The following RXFP2 variants were observed in gnomAD, a reference collection of about 807,000 sequenced individuals.
The protein encoded by RXFP2 is relaxin receptor 2.
In RXFP2, 68 loss-of-function variants were observed where a neutral mutation model predicts 88.6. The ratio of observed to expected loss-of-function variants is 0.77; its 90% CI spans 0.63 to 0.94. RXFP2 has a LOEUF of 0.94. Ranked by LOEUF, RXFP2 falls within the 40% of genes least tolerant of loss-of-function variation. RXFP2 has a pLI of 0.00. For missense variants in RXFP2, 791 were observed against 893.9 expected (o/e 0.88, Z 1.47); for synonymous variants, 329 against 306.8 (o/e 1.07, Z -0.76).
chr13:31,751,497 C>T (rs1412964575), intron 1 of RXFP2, among the ~76,000 whole-genome samples: 1 of 152,136 alleles, frequency 6.6e-6, no homozygotes, highest in Non-Finnish European at 1.5e-5. Flanking sequence ...TTTCCACACA[C>T]TCAGCACGAG....
intron 14 of RXFP2, among the ~76,000 whole-genome samples, chr13:31,790,684 A>G (rs1005024948): frequency 6.6e-6 from 1 of 152,232 alleles, no homozygotes; most frequent in Non-Finnish European, 1.5e-5. Context: ...TAAATAGTGA[A>G]TAAGTGCTAC....
intron 17 of RXFP2, among the ~76,000 whole-genome samples, chr13:31,800,325 C>T (rs1874270513): frequency 6.6e-6 from 1 of 152,184 alleles, no homozygotes; most frequent in South Asian, 2.1e-4. Context: ...CATCCCAGCA[C>T]TTTGGGAGGC....
chr13:31,754,441 G>T (rs1039674695), intron 1 of RXFP2, among the ~76,000 whole-genome samples: 2 of 151,990 alleles, frequency 1.3e-5, no homozygotes, highest in African/African-American at 4.8e-5. Flanking sequence ...TGAGACAGGA[G>T]AATTGCTTAA....
intron 10 of RXFP2, among the ~76,000 whole-genome samples, chr13:31,782,454 G>A (rs146738445): frequency 9.9e-5 from 15 of 152,270 alleles, no homozygotes; most frequent in East Asian, 9.6e-4. Flanking sequence ...TTTCTAGACC[G>A]CACTCAGGAC....
chr13:31,749,361 A>G (rs1012823594), intron 1 of RXFP2, among the ~76,000 whole-genome samples: 5 of 152,318 alleles, frequency 3.3e-5, no homozygotes, highest in Non-Finnish European at 5.9e-5. Flanking sequence ...GTCTTGCCAT[A>G]CAGATAATGA....
chr13:31,744,243 C>A (rs1593442430), intron 1 of RXFP2, among the ~76,000 whole-genome samples: 1 of 152,282 alleles, frequency 6.6e-6, no homozygotes, highest in South Asian at 2.1e-4. Flanking sequence ...GTCTACAATT[C>A]TAAAATCCAG....
chr13:31,768,364 C>G (rs1233968453), intron 5 of RXFP2, among the ~76,000 whole-genome samples: 1 of 152,192 alleles, frequency 6.6e-6, no homozygotes, highest in East Asian at 1.9e-4. Flanking sequence ...GGGGATAAAA[C>G]ACAATTGCTT....
chr13:31,792,545 T>A, intron 15 of RXFP2, 133 bp from the exon 16 acceptor site: 5 of 832,578 alleles, frequency 6.0e-6, no homozygotes, highest in Non-Finnish European at 9.9e-6. Flanking sequence ...GATGTTTACA[T>A]TAGTTCATTT....
At chr13:31,752,128 G>T (rs551090856) in intron 1 of RXFP2, among the ~76,000 whole-genome samples, 1 of 152,304 alleles carries the variant, frequency 6.6e-6, no homozygotes, top group South Asian at 2.1e-4. Flanking sequence ...GTAAGGATGA[G>T]GTTGGCAGTT....
intron 1 of RXFP2, among the ~76,000 whole-genome samples, chr13:31,746,227 A>G (rs943876143): frequency 2.0e-5 from 3 of 152,186 alleles, no homozygotes; most frequent in Non-Finnish European, 4.4e-5. Context: ...TCAATGGATC[A>G]TACACCTGGA....
intron 14 of RXFP2, among the ~76,000 whole-genome samples, chr13:31,790,500 C>T (rs1873742754): frequency 6.6e-6 from 1 of 152,132 alleles, no homozygotes; most frequent in South Asian, 2.1e-4. Context: ...CTGACACACC[C>T]AGTGCTAAAT....
At chr13:31,753,812 T>TG (rs1871789258) in intron 1 of RXFP2, among the ~76,000 whole-genome samples, 1 of 152,334 alleles carries the variant, frequency 6.6e-6, no homozygotes, top group African/African-American at 2.4e-5. Context: ...CAATTCCTTT[T>TG]TTTTTTATTT....
rs201628008 is a variant in RXFP2, at chr13:31,775,270, A to G, written c.570-48A>G. 132 of 1,354,776 alleles carry G rather than the reference A, an allele frequency of 9.7e-5. No individual in the cohort carries two copies. The Middle Eastern group carries it at 1.6e-3, about 17-fold the overall frequency. The allele number at this position is 1,354,776 out of a possible 1,614,324, so 83.9% of individuals were successfully genotyped here. A position where few individuals can be genotyped will look rare whatever the true frequency, so the allele number is the denominator to read the frequency against. ...CTCATATTCTAATTATATGTGACTA[A>G]AATAGGGTATTGAGTTTGCCTAATT... On this transcript the variant is annotated intron_variant, in intron 6 of 17. Coordinates refer to ENST00000298386, the MANE Select transcript of RXFP2 (RefSeq NM_130806.5).
chr13:31,758,908 C>T (rs1359300518), intron 2 of RXFP2, among the ~76,000 whole-genome samples: 4 of 151,898 alleles, frequency 2.6e-5, no homozygotes, highest in South Asian at 2.1e-4. Flanking sequence ...ATTAGCTGGC[C>T]GTGGTGACAG....
chr13:31,748,333 T>C (rs1379854376), intron 1 of RXFP2, among the ~76,000 whole-genome samples: 1 of 152,218 alleles, frequency 6.6e-6, no homozygotes, highest in Admixed American at 6.5e-5. Context: ...GCTGTTCCAA[T>C]TAACACTCCA....
At chr13:31,777,047 G>A (rs771496448) in intron 7 of RXFP2, among the ~76,000 whole-genome samples, 2 of 152,144 alleles carry the variant, frequency 1.3e-5, no homozygotes, top group Non-Finnish European at 2.9e-5. Context: ...CATTTATGGA[G>A]CCCAAATGCA....
intron 5 of RXFP2, among the ~76,000 whole-genome samples, chr13:31,770,879 G>A (rs1055113911): frequency 2.0e-5 from 3 of 152,150 alleles, no homozygotes; most frequent in African/African-American, 7.2e-5. Flanking sequence ...AAACCCATAA[G>A]GACTAATGAG....
At chr13:31,797,448 A>ATC (rs1479262106) in intron 17 of RXFP2, 29 bp downstream of exon 17, 1 of 1,521,382 alleles carries the variant, frequency 6.6e-7, no homozygotes, top group Non-Finnish European at 9.1e-7. Flanking sequence ...TCCCAAGTAT[A>ATC]ATACATCGTG....
chr13:31,793,066 G>A lies in RXFP2; in HGVS notation c.1764G>A (p.Gly588=), dbSNP rs564886943. ...YDQTEDIGSK[G]YSLGIFLGVN... ...AAACAGAAGATATTGGAAGCAAAGG[G>A]TATTCTCTTGGAATTTTCCTAGGTA... Residue 588 remains glycine, a synonymous_variant, in exon 16 of 18, where the codon GGG becomes GGA. Transcript: ENST00000298386. 3.7e-6 allele frequency: 6 copies of A among 1,612,532 alleles called. No individual in the cohort carries two copies. The South Asian group carries it at 6.6e-5, about 18-fold the overall frequency.
Sources: allele counts gnomAD v4.1 joint callset (sites outside exome capture counted in the v4.1 genomes callset), GRCh38; gene constraint gnomAD v4.1.1; transcripts MANE v1.5; gene names NCBI Gene and HGNC (gene_info 2026-07-23, HGNC 2026-07-21).